The following PRIM1 variants were observed in gnomAD, a reference collection of about 807,000 sequenced individuals.
The protein encoded by PRIM1 is DNA primase subunit 1.
In PRIM1, 38 loss-of-function variants were observed where a neutral mutation model predicts 60.2. The ratio of observed to expected loss-of-function variants is 0.63; its 90% CI spans 0.49 to 0.83. PRIM1 has a LOEUF of 0.83. Among genes scored for constraint, PRIM1 ranks in the 40% least tolerant of loss-of-function variants. PRIM1 has a pLI of 0.00. For missense variants in PRIM1, 388 were observed against 506.2 expected (o/e 0.77, Z 2.24); for synonymous variants, 158 against 160.2 (o/e 0.99, Z 0.10).
intron 11 of PRIM1, among the ~76,000 whole-genome samples, chr12:56,734,955 G>A (rs1953814989): frequency 6.6e-6 from 1 of 151,220 alleles, no homozygotes; most frequent in East Asian, 1.9e-4. Context: ...GGGATTATAG[G>A]TGCCCGCCAC....
At chr12:56,748,936 A>G (rs1011460304) in intron 2 of PRIM1, among the ~76,000 whole-genome samples, 4 of 146,842 alleles carry the variant, frequency 2.7e-5, no homozygotes, top group Non-Finnish European at 4.5e-5. Context: ...AGCCTGGGCA[A>G]GAGAGCTAGA....
chr12:56,746,057 C>G lies in PRIM1; in HGVS notation c.567G>C (p.Leu189Phe), dbSNP rs770274423. The change falls in exon 5 of 13, where the codon TTG (leucine) becomes TTC (phenylalanine). Residue 189 changes from leucine (L) to phenylalanine (F), a missense_variant. Coordinates refer to ENST00000338193, the MANE Select transcript of PRIM1 (RefSeq NM_000946.3). ...SAVRSGIVEY[L>F]SLVKGGQDVK... is the part of the protein sequence containing the mutation. ...AAGAGGATCTTACCTTTACAAGGCTCAAATACTCAACTATCCCAGAACGTA... is the reference window on the plus strand; with the variant it reads ...AAGAGGATCTTACCTTTACAAGGCTGAAATACTCAACTATCCCAGAACGTA... 4 of 1,607,348 alleles carry G rather than the reference C, an allele frequency of 2.5e-6. No individual in the cohort carries two copies. Among genetic ancestry groups the G allele is most frequent in the African/African-American group, 2.7e-5 (2 of 74,490 alleles).
At chr12:56,738,584 GCT>G (rs1226261176) in intron 10 of PRIM1, 59 bp from the exon 11 acceptor site, 1 of 1,516,116 alleles carries the variant, frequency 6.6e-7, no homozygotes, top group African/African-American at 1.4e-5. Context: ...ACGGAGTCTT[GCT>G]CTGTTGCCAG....
In PRIM1 at chr12:56,746,845, G is replaced by A; in HGVS notation, c.378C>T (p.Asp126=). 11 of 1,613,916 alleles carry A rather than the reference G, an allele frequency of 6.8e-6. No individual in the cohort carries two copies. Among genetic ancestry groups the A allele is most frequent in the Non-Finnish European group, 9.3e-6 (11 of 1,179,862 alleles). Residue 126 remains aspartate (D), a synonymous_variant, in exon 4 of 13, where the codon GAC becomes GAT. Transcript: ENST00000338193. ...TGAGGGTCCAGCACTTAGGACATAT[G>A]TCTGCAGAACTAAAGCAGAGTCATC... ...DDVRRCCSSA[D]ICPKCWTLMT...
At chr12:56,733,683 C>T (rs977337169) in intron 12 of PRIM1, among the ~76,000 whole-genome samples, 4 of 151,302 alleles carry the variant, frequency 2.6e-5, no homozygotes, top group Admixed American at 1.3e-4. Flanking sequence ...TCTGCCTCCC[C>T]GGTTCAAGCG....
At chr12:56,735,212 C>T (rs1003444228) in intron 11 of PRIM1, among the ~76,000 whole-genome samples, 3 of 151,996 alleles carry the variant, frequency 2.0e-5, no homozygotes, top group African/African-American at 7.2e-5. Context: ...GATTCTCCTG[C>T]CTCAGCCTCC....
At chr12:56,741,684 G>T in intron 8 of PRIM1, 62 bp downstream of exon 8, 1 of 1,585,268 alleles carries the variant, frequency 6.3e-7, no homozygotes, top group Non-Finnish European at 8.6e-7. Flanking sequence ...ACTAGGCAAA[G>T]CAATCAATTT....
Position 56,734,222 on chromosome 12 carries a change from G to T in PRIM1, c.1168C>A (p.Pro390Thr). The T allele has an allele frequency of 1.3e-6, 2 of 1,597,862 alleles. No individual in the cohort carries two copies. Among genetic ancestry groups the T allele is most frequent in the Non-Finnish European group, 1.7e-6 (2 of 1,168,898 alleles). Reference sequence around the variant, plus strand: ...AAATGTTCAAAAACTTTCACATAAGGTGCTAGACTGGTCTTCTTATAATCT... The same window carrying T: ...AAATGTTCAAAAACTTTCACATAAGTTGCTAGACTGGTCTTCTTATAATCT... ...TRDYKKTSLA[P>T]YVKVFEHFLE... is the part of the protein sequence containing the mutation. The change falls in exon 12 of 13, where the codon CCT (proline) becomes ACT (threonine). Residue 390 changes from proline to threonine, a missense_variant. This residue lies in a region of PRIM1 where 211 missense variants were observed against 277.9 expected (regional missense o/e 0.76). Transcript: ENST00000338193.
rs900268724 is a variant in PRIM1, at chr12:56,739,363, C to A, written c.983G>T (p.Gly328Val). ...KSPFSVHPKT[G>V]RISVPIDLQK... ...CAAATCAATAGGCACAGATATGCGA[C>A]CTGTAAGACACAAAAGTTATAAACT... Residue 328 changes from glycine (G) to valine (V), a missense_variant and splice_region_variant, in exon 10 of 13, where the codon GGT becomes GTT. Around this residue, in one of 3 missense-constraint regions of PRIM1, gnomAD observed 211 missense variants for 277.9 expected, o/e 0.76. Coordinates refer to ENST00000338193, the MANE Select transcript of PRIM1 (RefSeq NM_000946.3). The A allele has an allele frequency of 3.9e-6, 6 of 1,551,446 alleles. No individual in the cohort carries two copies. Among genetic ancestry groups the A allele is most frequent in the Non-Finnish European group, 4.4e-6 (5 of 1,137,482 alleles).
chr12:56,734,778 T>TATATATA (rs1555228415), intron 11 of PRIM1, among the ~76,000 whole-genome samples: 1,703 of 140,168 alleles, frequency 0.012, 49 homozygotes, highest in African/African-American at 0.043. Context: ...TCTTTTATAT[T>TATATATA]TATATATATA....
At chr12:56,745,906 T>A in intron 5 of PRIM1, 139 bp downstream of exon 5, 1 of 887,976 alleles carries the variant, frequency 1.1e-6, no homozygotes, top group Non-Finnish European at 1.6e-6. Context: ...GCCATTGCAG[T>A]CCAGCCTGGG....
intron 4 of PRIM1, among the ~76,000 whole-genome samples, 141 bp downstream of exon 4, chr12:56,746,623 TCGTCACACACACACACA>T (rs1953908717): frequency 7.9e-6 from 1 of 126,608 alleles, no homozygotes; most frequent in African/African-American, 3.1e-5. Context: ...AGAGTGAGAC[TCGTCACACACACACACA>T]CACACACACA....
chr12:56,732,897 C>T (rs1953794226), intron 12 of PRIM1, among the ~76,000 whole-genome samples: 1 of 151,922 alleles, frequency 6.6e-6, no homozygotes, highest in Admixed American at 6.6e-5. Context: ...CTCTGTTGCC[C>T]AGGCTGGAGT....
chr12:56,732,346 C>A (rs1393082000), intron 12 of PRIM1, among the ~76,000 whole-genome samples: 2 of 152,160 alleles, frequency 1.3e-5, no homozygotes, highest in African/African-American at 4.8e-5. Context: ...ATTTTCCCTT[C>A]CATCTTTCAT....
intron 3 of PRIM1, 27 bp from the exon 4 acceptor site, chr12:56,746,881 G>A (rs369117457): frequency 1.9e-5 from 30 of 1,613,162 alleles, no homozygotes; most frequent in Non-Finnish European, 2.4e-5. Context: ...ATTACTCATT[G>A]TCAGTGATAC....
chr12:56,733,549 CTT>C (rs772284069), intron 12 of PRIM1, among the ~76,000 whole-genome samples: 3 of 150,944 alleles, frequency 2.0e-5, no homozygotes, highest in Non-Finnish European at 2.9e-5. Flanking sequence ...GATAAAATCT[CTT>C]TCTTAGCATT....
At chr12:56,740,517 T>G (rs1222854822) in intron 9 of PRIM1, among the ~76,000 whole-genome samples, 51 of 152,082 alleles carry the variant, frequency 3.4e-4, no homozygotes. Flanking sequence ...CAGTGGCTCT[T>G]GTCTGTAATC....
chr12:56,736,547 AGGCTGGAGTGCAGT>A (rs1953832633), intron 11 of PRIM1, among the ~76,000 whole-genome samples: 2 of 151,844 alleles, frequency 1.3e-5, no homozygotes, highest in African/African-American at 4.8e-5. Flanking sequence ...TCTGTTTCCC[AGGCTGGAGTGCAGT>A]GGCGCAACTT....
At chr12:56,743,172 T>C in intron 6 of PRIM1, 76 bp from the exon 7 acceptor site, 2 of 1,391,168 alleles carry the variant, frequency 1.4e-6, no homozygotes, top group South Asian at 3.2e-5. Flanking sequence ...GCTGCCATTG[T>C]GGGGAAAACT....
Sources: gnomAD v4.1 joint callset for allele counts (sites outside exome capture counted in the v4.1 genomes callset) on GRCh38, gnomAD v4.1.1 for gene constraint, gnomAD v4.1.1 regional missense constraint, MANE v1.5 for transcripts, NCBI Gene and HGNC (gene_info 2026-07-23, HGNC 2026-07-21) for gene names.